Variants in SET observed in about 807,000 individuals in gnomAD.
SET encodes protein SET.
SET carries 4 observed loss-of-function variants against 39.0 expected under a neutral mutation model. The observed-to-expected ratio is 0.10, with a 90% confidence interval of 0.05 to 0.23. The LOEUF is 0.23. Among genes scored for constraint, SET ranks in the 10% least tolerant of loss-of-function variants. SET has a pLI of 1.00. For missense variants in SET, 137 were observed against 329.7 expected (o/e 0.42, Z 4.53); for synonymous variants, 114 against 115.9 (o/e 0.98, Z 0.11).
At position 128,689,341 on chromosome 9, in the gene SET, C is replaced by T; in HGVS notation, c.-242C>T. ...CCCGCCGCCGCCGCCTCCGCCTCCC[C>T]TCCGCGAACAGGAGCCCGGGCCGGG... On this transcript the variant is annotated 5_prime_UTR_variant, in exon 1 of 8. Transcript: ENST00000322030. 1 of 1,049,470 alleles carries T rather than the reference C, an allele frequency of 9.5e-7. No individual in the cohort carries two copies. The highest frequency in any genetic ancestry group is 1.1e-6 in the Non-Finnish European group (1 of 869,828). The allele number at this position is 1,049,470 out of a possible 1,614,324, so 65.0% of individuals were successfully genotyped here.
chr9:128,694,365 T>C (rs1215513109), intron 7 of SET, among the ~76,000 whole-genome samples: 4 of 152,154 alleles, frequency 2.6e-5, no homozygotes, highest in Admixed American at 6.5e-5. Context: ...CAAAGTTTCA[T>C]GTATTTTCGA....
In SET at chr9:128,683,914, T is replaced by TCTCCACTCCCGC. The variant is rs1485224747; in HGVS notation, c.23_34dup (p.Pro8_Pro11dup). The stretch of plus-strand genomic sequence containing the variant: ...TAACAGCATGGCCCCTAAACGCCAG[T>TCTCCACTCCCGC]CTCCACTCCCGCCTCAAAAGAAGAA... On this transcript the variant is annotated inframe_insertion, in exon 1 of 8. Coordinates refer to the SET transcript ENST00000372692. 3.2e-5 allele frequency: 49 copies of TCTCCACTCCCGC among 1,552,792 alleles called. No homozygotes were observed. In the Admixed American group the frequency reaches 9.6e-4, roughly 30 times the overall value.
At chr9:128,693,062 C>G in intron 5 of SET, 81 bp downstream of exon 5, 1 of 915,894 alleles carries the variant, frequency 1.1e-6, no homozygotes, top group Non-Finnish European at 1.7e-6. Flanking sequence ...GTGCTTGATA[C>G]TTTGGTCATG....
upstream of SET, among the ~76,000 whole-genome samples, chr9:128,689,043 G>GGGGGGCGGCCGTGCGTCGCC (rs926830657): frequency 2.0e-5 from 3 of 150,418 alleles, no homozygotes; most frequent in African/African-American, 7.3e-5. Flanking sequence ...GACGCGGCGC[G>GGGGGGCGGCCGTGCGTCGCC]GGGGGCGGCC....
upstream of SET, among the ~76,000 whole-genome samples, chr9:128,687,702 G>C (rs1861336131): frequency 6.6e-6 from 1 of 150,912 alleles, no homozygotes; most frequent in Admixed American, 6.6e-5. Flanking sequence ...GGTTAAAAAT[G>C]TCCAAAGAGA....
At position 128,695,704 on chromosome 9, in the gene SET, TTAA is replaced by T. The variant is rs1861711203; in HGVS notation, c.*1043_*1045del. The stretch of plus-strand genomic sequence containing the variant: ...GAGTAATGGGATTTGAATCAATGTA[TTAA>T]TATCTCCATAGCTGGGAAACGTGGG... On this transcript the variant is annotated 3_prime_UTR_variant, in exon 8 of 8. Transcript: ENST00000322030. 8.8e-6 allele frequency: 2 copies of T among 226,406 alleles called. No individual in the cohort carries two copies. Among genetic ancestry groups the T allele is most frequent in the Non-Finnish European group, 1.8e-5 (2 of 112,938 alleles). The allele number at this position is 226,406 out of a possible 1,614,324, so 14.0% of individuals were successfully genotyped here. A position where few individuals can be genotyped will look rare whatever the true frequency, so the allele number is the denominator to read the frequency against.
At chr9:128,688,355 G>A (rs1166957387), upstream of SET, among the ~76,000 whole-genome samples, 3 of 152,180 alleles carry the variant, frequency 2.0e-5, no homozygotes, top group Middle Eastern at 3.2e-3. Flanking sequence ...CTCCTTAGTG[G>A]TTCAGAACTT....
chr9:128,691,268 A>C, intron 2 of SET, 41 bp downstream of exon 2: 2 of 1,236,118 alleles, frequency 1.6e-6, no homozygotes, highest in Non-Finnish European at 2.4e-6. Flanking sequence ...ATTTTCTGAG[A>C]TGTGTCTAAT....
intron 7 of SET, 56 bp from the exon 8 acceptor site, chr9:128,694,585 A>T: frequency 7.6e-7 from 1 of 1,321,928 alleles, no homozygotes; most frequent in Non-Finnish European, 1.1e-6. Context: ...TGTGGTCCAT[A>T]TGAAAGCAAG....
Position 128,683,757 on chromosome 9 carries a change from T to G in SET, c.-139T>G, listed in dbSNP as rs542952710. On this transcript the variant is annotated 5_prime_UTR_variant, in exon 1 of 8. Coordinates refer to the SET transcript ENST00000372692. ...GAGGGGGCCGGGGTGTGTGTCCCAC[T>G]GTCATGTAAATATCCCTTCCAGGCA... 7.7e-6 allele frequency: 5 copies of G among 651,394 alleles called. No homozygotes were observed. The South Asian group carries it at 1.0e-4, about 13-fold the overall frequency. 40.4% of individuals were successfully genotyped at this position (651,394 alleles called of 1,614,324 possible). A position where few individuals can be genotyped will look rare whatever the true frequency, so the allele number is the denominator to read the frequency against.
At chr9:128,689,991 T>C in intron 1 of SET, 2 of 1,025,544 alleles carry the variant, frequency 2.0e-6, no homozygotes, top group South Asian at 6.0e-5. Context: ...TCCGCCATGA[T>C]GCCTCGCTCC....
chr9:128,685,190 C>A (rs1218933656), upstream of SET: 7 of 1,600,590 alleles, frequency 4.4e-6, no homozygotes, highest in Non-Finnish European at 6.0e-6. Context: ...GACCTCCTGC[C>A]CAGCTTGAAA....
upstream of SET, among the ~76,000 whole-genome samples, chr9:128,687,550 G>A (rs1334119097): frequency 6.7e-6 from 1 of 148,876 alleles, no homozygotes; most frequent in Non-Finnish European, 1.5e-5. Flanking sequence ...GGAGGTTGCA[G>A]TGAGCTGAGA....
chr9:128,692,232 CA>C (rs201254323), intron 3 of SET: 70 of 410,388 alleles, frequency 1.7e-4, no homozygotes, highest in South Asian at 2.5e-4. Context: ...ACTAAAAATA[CA>C]AAAAAAATTA....
At chr9:128,693,370 T>G (rs1049246907) in intron 5 of SET, among the ~76,000 whole-genome samples, 1 of 152,218 alleles carries the variant, frequency 6.6e-6, no homozygotes, top group African/African-American at 2.4e-5. Flanking sequence ...CATCCGTATT[T>G]AGGTAGTAAG....
upstream of SET, among the ~76,000 whole-genome samples, chr9:128,687,868 G>T (rs984744912): frequency 6.6e-6 from 1 of 152,184 alleles, no homozygotes; most frequent in Non-Finnish European, 1.5e-5. Flanking sequence ...GGGATAACAG[G>T]AGTGAGCTAT....
At chr9:128,691,298 C>T (rs1208523146) in intron 2 of SET, 71 bp downstream of exon 2, 1 of 965,988 alleles carries the variant, frequency 1.0e-6, no homozygotes, top group Middle Eastern at 3.3e-4. Flanking sequence ...ATTATCGAAG[C>T]TATGGTCAAA....
upstream of SET, among the ~76,000 whole-genome samples, chr9:128,686,346 G>A (rs75524594): frequency 0.11 from 17,185 of 152,208 alleles, 1,480 homozygotes; most frequent in East Asian, 0.37. Context: ...AGGCCAGAAA[G>A]GGAACCTGAA....
chr9:128,686,543 C>T (rs962238466), upstream of SET, among the ~76,000 whole-genome samples: 9 of 151,982 alleles, frequency 5.9e-5, no homozygotes, highest in East Asian at 1.9e-4. Flanking sequence ...AGGAGCGGGT[C>T]GTGAAATCAA....
Sources: gnomAD v4.1 joint callset for allele counts (sites outside exome capture counted in the v4.1 genomes callset) on GRCh38, gnomAD v4.1.1 for gene constraint, MANE v1.5 for transcripts, NCBI Gene and HGNC (gene_info 2026-07-23, HGNC 2026-07-21) for gene names.